The following DGKB variants were observed in gnomAD, a reference collection of about 807,000 sequenced individuals.
DGKB encodes diacylglycerol kinase beta.
DGKB carries 67 observed loss-of-function variants against 114.3 expected under a neutral mutation model. That is an observed-to-expected ratio of 0.59 (90% confidence interval 0.48 to 0.72). The LOEUF (loss-of-function observed/expected upper bound fraction) is 0.72, where lower values mean the gene tolerates loss of function less well. DGKB is among the 30% of genes least tolerant of loss of function. The probability of loss-of-function intolerance (pLI) is 0.00; values close to 1 mark genes in which losing one functional copy is unlikely to be tolerated. For synonymous variants in DGKB, 398 were observed against 323.1 expected (o/e 1.23, Z -2.49); for missense variants, 907 against 975.2 (o/e 0.93, Z 0.93).
At chr7:14,732,298 G>A (rs1304858654) in intron 5 of DGKB, among the ~76,000 whole-genome samples, 1 of 151,898 alleles carries the variant, frequency 6.6e-6, no homozygotes, top group African/African-American at 2.4e-5. Flanking sequence ...TGGAACTGTG[G>A]TAATGAAATA....
intron 14 of DGKB, among the ~76,000 whole-genome samples, chr7:14,627,376 C>T (rs1808777292): frequency 6.6e-6 from 1 of 151,904 alleles, no homozygotes; most frequent in Admixed American, 6.6e-5. Context: ...TCCATAAGTC[C>T]CGGTTTTCAC....
At chr7:14,281,850 G>C (rs948182777) in intron 23 of DGKB, among the ~76,000 whole-genome samples, 4 of 144,728 alleles carry the variant, frequency 2.8e-5, no homozygotes, top group Non-Finnish European at 6.1e-5. Flanking sequence ...TCTCTGGGAC[G>C]CATTCAAAGC....
chr7:14,201,703 A>T (rs1785919359), intron 23 of DGKB, among the ~76,000 whole-genome samples: 1 of 152,008 alleles, frequency 6.6e-6, no homozygotes, highest in Admixed American at 6.6e-5. Context: ...ACTCTGTGGG[A>T]CATCCACATG....
intron 25 of DGKB, among the ~76,000 whole-genome samples, chr7:14,149,495 TG>T (rs1781866905): frequency 6.6e-6 from 1 of 152,158 alleles, no homozygotes; most frequent in South Asian, 2.1e-4. Context: ...TTAAATAGTA[TG>T]TTACCTCTAA....
At chr7:14,900,430 A>G (rs966904923) in intron 1 of DGKB, among the ~76,000 whole-genome samples, 1 of 152,174 alleles carries the variant, frequency 6.6e-6, no homozygotes, top group East Asian at 1.9e-4. Flanking sequence ...TCCTGAAGGC[A>G]GCCAGAAGAA....
chr7:14,882,747 A>T (rs1854431133), intron 1 of DGKB, among the ~76,000 whole-genome samples: 1 of 152,002 alleles, frequency 6.6e-6, no homozygotes, highest in Admixed American at 6.6e-5. Context: ...AGTTCCATCT[A>T]TGTTGCTGCA....
intron 4 of DGKB, among the ~76,000 whole-genome samples, chr7:14,740,150 C>T (rs1052684571): frequency 3.9e-5 from 6 of 152,220 alleles, no homozygotes; most frequent in Non-Finnish European, 8.8e-5. Flanking sequence ...AGGAGTCCAG[C>T]TCAGTGGGAC....
At chr7:14,266,080 G>T (rs74430032) in intron 23 of DGKB, among the ~76,000 whole-genome samples, 1 of 152,028 alleles carries the variant, frequency 6.6e-6, no homozygotes, top group Non-Finnish European at 1.5e-5. Flanking sequence ...TTTCTGTGGC[G>T]GCCTGTTCCC....
At chr7:14,611,498 T>G (rs1038042281) in intron 16 of DGKB, among the ~76,000 whole-genome samples, 1 of 152,150 alleles carries the variant, frequency 6.6e-6, no homozygotes, top group Non-Finnish European at 1.5e-5. Flanking sequence ...GGGATCACCT[T>G]GTGAAAGGTG....
chr7:14,718,048 T>C (rs1227675680), intron 6 of DGKB, among the ~76,000 whole-genome samples: 16 of 152,212 alleles, frequency 1.1e-4, no homozygotes, highest in Admixed American at 1.0e-3. Flanking sequence ...TCAAATACTA[T>C]AAATGACACT....
intron 22 of DGKB, among the ~76,000 whole-genome samples, chr7:14,343,716 G>A (rs1417573505): frequency 6.6e-6 from 1 of 150,826 alleles, no homozygotes; most frequent in African/African-American, 2.4e-5. Flanking sequence ...TTGTATTTGA[G>A]CATAATTTTT....
intron 1 of DGKB, among the ~76,000 whole-genome samples, chr7:14,915,575 T>G (rs541884474): frequency 2.6e-5 from 4 of 151,876 alleles, no homozygotes; most frequent in African/African-American, 9.7e-5. Flanking sequence ...TGTGAGAAAA[T>G]AAATGCTTTG....
At chr7:14,614,907 G>A (rs1329938236) in intron 15 of DGKB, among the ~76,000 whole-genome samples, 1 of 152,048 alleles carries the variant, frequency 6.6e-6, no homozygotes, top group Non-Finnish European at 1.5e-5. Flanking sequence ...GGTCTCCCCT[G>A]AACCAAATGT....
intron 23 of DGKB, among the ~76,000 whole-genome samples, chr7:14,270,490 G>A (rs541463762): frequency 3.2e-4 from 49 of 152,244 alleles, no homozygotes; most frequent in South Asian, 1.2e-3. Context: ...ACAGGGGCAC[G>A]GGGTTTACAA....
intron 20 of DGKB, among the ~76,000 whole-genome samples, chr7:14,551,442 C>G (rs1795089177): frequency 6.6e-6 from 1 of 152,158 alleles, no homozygotes; most frequent in African/African-American, 2.4e-5. Flanking sequence ...CTTTACAATT[C>G]TTATTGCCTT....
intron 1 of DGKB, among the ~76,000 whole-genome samples, chr7:14,875,088 T>A (rs369473568): frequency 5.9e-4 from 90 of 152,142 alleles, no homozygotes; most frequent in African/African-American, 2.0e-3. Flanking sequence ...ATAGATGTGA[T>A]GGAGCTAAGA....
At chr7:14,817,615 G>A (rs1844341045) in intron 2 of DGKB, among the ~76,000 whole-genome samples, 2 of 152,138 alleles carry the variant, frequency 1.3e-5, no homozygotes, top group South Asian at 4.1e-4. Flanking sequence ...TGCTTCTACA[G>A]TAATTTACTC....
chr7:14,167,871 T>C (rs985525134), intron 25 of DGKB, among the ~76,000 whole-genome samples: 2 of 152,164 alleles, frequency 1.3e-5, no homozygotes, highest in Non-Finnish European at 2.9e-5. Context: ...TGAAAATACC[T>C]AGAGTCTTAT....
At chr7:14,159,091 CTT>C (rs1783472394) in intron 25 of DGKB, among the ~76,000 whole-genome samples, 2 of 152,126 alleles carry the variant, frequency 1.3e-5, no homozygotes, top group African/African-American at 4.8e-5. Context: ...TGAAACCTCT[CTT>C]TACTTCCATG....
Sources: gnomAD v4.1 joint callset for allele counts (sites outside exome capture counted in the v4.1 genomes callset) on GRCh38, gnomAD v4.1.1 for gene constraint, MANE v1.5 for transcripts, NCBI Gene and HGNC (gene_info 2026-07-23, HGNC 2026-07-21) for gene names.